The following BIN3 variants were observed in gnomAD, a reference collection of about 807,000 sequenced individuals.
The protein encoded by BIN3 is bridging integrator 3.
BIN3 carries 41 observed loss-of-function variants against 38.2 expected under a neutral mutation model. The ratio of observed to expected loss-of-function variants is 1.07; its 90% CI spans 0.84 to 1.39. The LOEUF is 1.39. Ranked by LOEUF, BIN3 falls within the 40% of genes most tolerant of loss-of-function variation. The pLI is 0.00. For synonymous variants in BIN3, 145 were observed against 122.6 expected (o/e 1.18, Z -1.21); for missense variants, 361 against 324.3 (o/e 1.11, Z -0.87).
At position 22,640,998 on chromosome 8, in the gene BIN3, G is replaced by C. The variant is rs894372367; in HGVS notation, c.57+3757C>G. On this transcript the variant is annotated intron_variant, in intron 2 of 8. Coordinates refer to ENST00000276416, the MANE Select transcript of BIN3 (RefSeq NM_018688.6). The stretch of plus-strand genomic sequence containing the variant: ...GGTGGGTTGCTTCTCTAGCTCACTG[G>C]TCCGAGAGTTCTCTCCTCCACTGGG... Among the ~76,000 whole-genome samples, 10 of 152,250 alleles carry C rather than the reference G, an allele frequency of 6.6e-5. No individual in the cohort carries two copies. In the South Asian group the frequency reaches 1.0e-3, roughly 16 times the overall value.
At chr8:22,664,517 A>T (rs1803350083) in intron 1 of BIN3, among the ~76,000 whole-genome samples, 1 of 152,258 alleles carries the variant, frequency 6.6e-6, no homozygotes, top group Non-Finnish European at 1.5e-5. Context: ...TCTGCAGGAC[A>T]CAAGGACTTC....
chr8:22,628,914 G>A (rs7830262), intron 6 of BIN3, among the ~76,000 whole-genome samples: 17,329 of 152,206 alleles, frequency 0.11, 2,130 homozygotes, highest in African/African-American at 0.3. Context: ...ATGGGGCTGC[G>A]CTGTCCCCAG....
chr8:22,664,392 C>T (rs1231148837), intron 1 of BIN3, among the ~76,000 whole-genome samples: 1 of 152,206 alleles, frequency 6.6e-6, no homozygotes, highest in African/African-American at 2.4e-5. Context: ...ATGCTCTCCA[C>T]AGAGGAAGAA....
intron 1 of BIN3, among the ~76,000 whole-genome samples, chr8:22,653,263 C>T (rs568422507): frequency 1.3e-5 from 2 of 152,314 alleles, no homozygotes; most frequent in East Asian, 1.9e-4. Context: ...CGCTGATTTG[C>T]TCCTCTTCTT....
chr8:22,645,382 T>G (rs955903794), intron 1 of BIN3, among the ~76,000 whole-genome samples: 1 of 152,040 alleles, frequency 6.6e-6, no homozygotes, highest in Admixed American at 6.5e-5. Context: ...CTTGAGAGGC[T>G]GAAGCAGGAG....
At chr8:22,646,432 T>C (rs1231588750) in intron 1 of BIN3, among the ~76,000 whole-genome samples, 1 of 152,166 alleles carries the variant, frequency 6.6e-6, no homozygotes, top group Admixed American at 6.5e-5. Flanking sequence ...CCTGCTTTCC[T>C]TTGGCCCAAA....
chr8:22,624,046 G>C lies in BIN3; in HGVS notation c.484C>G (p.Arg162Gly). ...TCCCGCACAGGCCGCAGCTCCTCTC[G>C]TGCCTAGGGAACAAGACCTGGGTGT... ...GPVLAKLHQA[R>G]EELRPVREDF... Residue 162 changes from arginine to glycine, a missense_variant, in exon 8 of 9, where the codon CGA (arginine) becomes GGA (glycine). By Grantham distance (125) the Arg-to-Gly change is moderately radical. Transcript: ENST00000276416. The C allele has an allele frequency of 6.2e-7, 1 of 1,612,736 alleles. No homozygotes were observed. Among genetic ancestry groups the C allele is most frequent in the Non-Finnish European group, 8.5e-7 (1 of 1,179,504 alleles).
chr8:22,648,693 G>A (rs145402510), intron 1 of BIN3, among the ~76,000 whole-genome samples: 5 of 152,184 alleles, frequency 3.3e-5, no homozygotes, highest in African/African-American at 1.2e-4. Context: ...TTTCCCTACT[G>A]CACTCCTTGG....
At chr8:22,644,647 G>T in intron 2 of BIN3, 108 bp downstream of exon 2, 2 of 1,073,022 alleles carry the variant, frequency 1.9e-6, no homozygotes, top group Non-Finnish European at 2.8e-6. Flanking sequence ...GAAGGCCCAG[G>T]TTGCTGTCTT....
intron 6 of BIN3, among the ~76,000 whole-genome samples, chr8:22,627,030 C>A (rs1351806915): frequency 6.6e-6 from 1 of 152,160 alleles, no homozygotes; most frequent in Non-Finnish European, 1.5e-5. Context: ...CCCCCTGGAA[C>A]CAAGACCACC....
intron 1 of BIN3, among the ~76,000 whole-genome samples, chr8:22,648,778 A>T (rs1425026649): frequency 6.6e-6 from 1 of 150,838 alleles, no homozygotes; most frequent in Non-Finnish European, 1.5e-5. Context: ...ACAGATATTT[A>T]TCTTATATTT....
At chr8:22,625,462 A>G (rs1801974559) in intron 6 of BIN3, 2 of 701,510 alleles carry the variant, frequency 2.9e-6, no homozygotes, top group Non-Finnish European at 5.2e-6. Flanking sequence ...GAGGGCAGGA[A>G]GCAGTTACTG....
At chr8:22,630,104 G>T (rs955964929) in intron 5 of BIN3, 100 bp from the exon 6 acceptor site, 1 of 1,250,026 alleles carries the variant, frequency 8.0e-7, no homozygotes, top group Non-Finnish European at 1.1e-6. Flanking sequence ...AGTCTAAAGG[G>T]CCACAGGGTG....
chr8:22,622,479 G>A (rs1346150677), intron 8 of BIN3: 6 of 152,460 alleles, frequency 3.9e-5, no homozygotes, highest in Non-Finnish European at 5.9e-5. Context: ...GGCTGGCGGC[G>A]GCCCACCCTG....
intron 2 of BIN3, 23 bp downstream of exon 2, chr8:22,644,732 A>T: frequency 1.2e-6 from 2 of 1,607,862 alleles, no homozygotes. Context: ...TGAATCTCAC[A>T]GCAAAACAAT....
In BIN3 at chr8:22,636,520, C is replaced by A; in HGVS notation, c.160+5G>T. 6.4e-7 allele frequency: 1 copy of A among 1,552,172 alleles called. No individual in the cohort carries two copies. Among genetic ancestry groups the A allele is most frequent in the Non-Finnish European group, 8.7e-7 (1 of 1,147,332 alleles). On this transcript the variant is annotated splice_donor_5th_base_variant and intron_variant, in intron 4 of 8. Transcript: ENST00000276416. ...AGCGAGTGGTGCGGGTGGAAAGTCA[C>A]CTACCCAGGTCTGCGTCGGTGCTCT... is the stretch of plus-strand genomic sequence containing the variant.
chr8:22,664,263 T>A (rs966749427), intron 1 of BIN3, among the ~76,000 whole-genome samples: 16 of 152,250 alleles, frequency 1.1e-4, no homozygotes, highest in African/African-American at 3.9e-4. Flanking sequence ...TGACTCTTTC[T>A]GACTGCTCCA....
intron 4 of BIN3, among the ~76,000 whole-genome samples, chr8:22,631,324 C>T (rs1247593156): frequency 1.3e-5 from 2 of 152,098 alleles, no homozygotes; most frequent in South Asian, 2.1e-4. Context: ...GCCCTCCTCC[C>T]GGGTCTGTTC....
intron 7 of BIN3, 34 bp downstream of exon 7, chr8:22,624,188 T>C: frequency 1.2e-6 from 2 of 1,603,116 alleles, no homozygotes; most frequent in Non-Finnish European, 1.7e-6. Context: ...ATGGCCCACC[T>C]GTCTAGCCCC....
Sources: allele counts gnomAD v4.1 joint callset (sites outside exome capture counted in the v4.1 genomes callset), GRCh38; gene constraint gnomAD v4.1.1; transcripts MANE v1.5; gene names NCBI Gene and HGNC (gene_info 2026-07-23, HGNC 2026-07-21).